SPEF2: variants seen among roughly 807,000 people sequenced by gnomAD.
SPEF2 encodes sperm flagellar and cilia associated 2, also known as sperm flagella and cilia-associated protein 2.
Under a neutral mutation model 224.6 loss-of-function variants are expected in SPEF2, and 187 were observed. The ratio of observed to expected loss-of-function variants is 0.83; its 90% CI spans 0.74 to 0.94. SPEF2 has a LOEUF of 0.94. SPEF2 is among the 40% of genes least tolerant of loss of function. The pLI is 0.00. For synonymous variants in SPEF2, 715 were observed against 707.3 expected (o/e 1.01, Z -0.17); for missense variants, 2,170 against 2,135.6 (o/e 1.02, Z -0.32).
rs1754700128 is a variant in SPEF2 at position 35,692,693 on chromosome 5, C to T, written c.1868C>T (p.Pro623Leu). Reference sequence around the variant, plus strand: ...AAAAATGATGAAGAAGATGCTCTACCAGTTCTGCAAGAGGAGATTAAAGAA... The same window carrying T: ...AAAAATGATGAAGAAGATGCTCTACTAGTTCTGCAAGAGGAGATTAAAGAA... ...IQKNDEEDAL[P>L]VLQEEIKESQ... The change falls in exon 12 of 37, where the codon CCA (proline) becomes CTA (leucine). Residue 623 changes from proline (P) to leucine (L), a missense_variant. Transcript: ENST00000356031. 6.2e-7 allele frequency: 1 copy of T among 1,613,698 alleles called. No homozygotes were observed. The highest frequency in any genetic ancestry group is 8.5e-7 in the Non-Finnish European group (1 of 1,179,892).
chr5:35,778,446 TGAGAAC>T (rs1314210669), intron 29 of SPEF2, among the ~76,000 whole-genome samples: 2 of 152,146 alleles, frequency 1.3e-5, no homozygotes, highest in Admixed American at 6.5e-5. Context: ...TGTCCTAGGA[TGAGAAC>T]TCAGATTCCA....
chr5:35,778,361 A>T (rs905764374), intron 29 of SPEF2, among the ~76,000 whole-genome samples: 5 of 152,172 alleles, frequency 3.3e-5, no homozygotes, highest in African/African-American at 1.2e-4. Context: ...TAACCATAAG[A>T]TAGGGAGTGT....
intron 2 of SPEF2, among the ~76,000 whole-genome samples, chr5:35,634,411 C>G (rs867288982): frequency 6.6e-6 from 1 of 152,052 alleles, no homozygotes; most frequent in African/African-American, 2.4e-5. Flanking sequence ...TTCTTTTTCT[C>G]TTGATGCTTT....
chr5:35,775,520 C>G (rs1338513145), intron 28 of SPEF2, among the ~76,000 whole-genome samples: 3 of 152,098 alleles, frequency 2.0e-5, no homozygotes, highest in Non-Finnish European at 4.4e-5. Context: ...GGAGGCCACA[C>G]CATGGAGGGT....
chr5:35,790,494 A>G, intron 30 of SPEF2: 1 of 425,858 alleles, frequency 2.3e-6, no homozygotes. Context: ...ACTTCTCTTC[A>G]CATCAAACAA....
At chr5:35,802,303 C>G (rs2149859463) in intron 34 of SPEF2, among the ~76,000 whole-genome samples, 1 of 152,320 alleles carries the variant, frequency 6.6e-6, no homozygotes, top group South Asian at 2.1e-4. Context: ...ACTCTCTCAG[C>G]AAGGCCCAGG....
intron 8 of SPEF2, among the ~76,000 whole-genome samples, chr5:35,665,732 C>G (rs1470368718): frequency 1.3e-5 from 2 of 151,982 alleles, no homozygotes; most frequent in African/African-American, 4.8e-5. Context: ...ATGAATCATG[C>G]CATAAAGCTT....
At chr5:35,627,945 A>G (rs1349728790) in intron 1 of SPEF2, among the ~76,000 whole-genome samples, 1 of 152,134 alleles carries the variant, frequency 6.6e-6, no homozygotes, top group Non-Finnish European at 1.5e-5. Flanking sequence ...CATGAAGGAG[A>G]AGTTCGATTA....
intron 18 of SPEF2, 31 bp downstream of exon 18, chr5:35,705,839 A>G: frequency 7.4e-7 from 1 of 1,352,870 alleles, no homozygotes; most frequent in Non-Finnish European, 1.0e-6. Flanking sequence ...TTTTGAGTTT[A>G]GGCAACTAAA....
intron 20 of SPEF2, among the ~76,000 whole-genome samples, chr5:35,716,890 T>C (rs925102010): frequency 6.6e-6 from 1 of 152,206 alleles, no homozygotes; most frequent in African/African-American, 2.4e-5. Context: ...GCTGTCGATG[T>C]CTTTGATTCA....
chr5:35,794,394 C>T (rs958592224), intron 32 of SPEF2, among the ~76,000 whole-genome samples: 13 of 151,828 alleles, frequency 8.6e-5, no homozygotes, highest in African/African-American at 2.7e-4. Flanking sequence ...TGCATGGCCT[C>T]TTTTTTTTTG....
chr5:35,670,073 A>T lies in SPEF2; in HGVS notation c.1370A>T (p.Lys457Met). 1.2e-6 allele frequency: 2 copies of T among 1,604,034 alleles called. No individual in the cohort carries two copies. The highest frequency in any genetic ancestry group is 1.7e-6 in the Non-Finnish European group (2 of 1,176,184). Residue 457 changes from lysine (K) to methionine (M), a missense_variant, in exon 10 of 37, where the codon AAG (lysine) becomes ATG (methionine). Coordinates refer to ENST00000356031, the MANE Select transcript of SPEF2 (RefSeq NM_024867.4). ...TTGTGCGATAGTCTGATTCCGTATA[A>T]GTTGATGCATGATTGGAAGGAACTA... ...RMLTNNLIPY[K>M]LMHDWKELFF...
intron 8 of SPEF2, among the ~76,000 whole-genome samples, chr5:35,666,863 TA>T (rs1750540417): frequency 1.3e-5 from 2 of 152,338 alleles, no homozygotes; most frequent in South Asian, 4.1e-4. Context: ...GCTTTGTTGA[TA>T]AGATAAGCTA....
chr5:35,692,683 G>A lies in SPEF2; in HGVS notation c.1858G>A (p.Asp620Asn). The A allele has an allele frequency of 1.2e-6, 2 of 1,613,796 alleles. No homozygotes were observed. Among genetic ancestry groups the A allele is most frequent in the Non-Finnish European group, 1.7e-6 (2 of 1,179,904 alleles). Residue 620 changes from aspartate (D) to asparagine (N), a missense_variant, in exon 12 of 37, where the codon GAT becomes AAT. Asp to Asn is a conservative substitution (Grantham distance 23). Transcript: ENST00000356031. ...ACCAATTCAGAAAAATGATGAAGAA[G>A]ATGCTCTACCAGTTCTGCAAGAGGA... The part of the protein sequence containing the change: ...VLPIQKNDEE[D>N]ALPVLQEEIK...
rs1027515433 is a variant in SPEF2, at chr5:35,628,500, A to G, written c.99A>G (p.Leu33=). ...CAAAGGCATTTTCCAGTGGCTATCTACTTGGAGAAGTTCTACACAAGTTTG... is the reference window on the plus strand; with the variant it reads ...CAAAGGCATTTTCCAGTGGCTATCTGCTTGGAGAAGTTCTACACAAGTTTG... ...SFAKAFSSGY[L]LGEVLHKFEL... is the part of the protein sequence containing the mutation. Residue 33 remains leucine, a synonymous_variant, in exon 2 of 37, where the codon CTA becomes CTG. Transcript: ENST00000356031. The G allele has an allele frequency of 3.1e-6, 5 of 1,614,066 alleles. No homozygotes were observed. Among genetic ancestry groups the G allele is most frequent in the African/African-American group, 2.7e-5 (2 of 75,042 alleles).
chr5:35,685,951 T>G (rs11960779), intron 10 of SPEF2, among the ~76,000 whole-genome samples: 3,751 of 152,064 alleles, frequency 0.025, 118 homozygotes, highest in African/African-American at 0.068. Flanking sequence ...TGAAATATAA[T>G]GTACCCTGTC....
chr5:35,661,278 ATATATATATATATATATATATT>A (rs1177581627), intron 8 of SPEF2, among the ~76,000 whole-genome samples: 3 of 103,834 alleles, frequency 2.9e-5, no homozygotes, highest in African/African-American at 1.4e-4. Flanking sequence ...ATATATATAT[ATATATATATATATATATATATT>A]ATACACACAT....
chr5:35,737,737 G>C (rs1746864937), intron 21 of SPEF2, among the ~76,000 whole-genome samples: 1 of 152,122 alleles, frequency 6.6e-6, no homozygotes, highest in Non-Finnish European at 1.5e-5. Flanking sequence ...CCAGTAATGG[G>C]ATGGCTGGGT....
intron 16 of SPEF2, among the ~76,000 whole-genome samples, chr5:35,703,171 A>G (rs2149571097): frequency 6.6e-6 from 1 of 151,962 alleles, no homozygotes; most frequent in Middle Eastern, 3.4e-3. Flanking sequence ...AAAGAGCTCA[A>G]CTGATTTTTT....
Sources: gnomAD v4.1 joint callset for allele counts (sites outside exome capture counted in the v4.1 genomes callset) on GRCh38, gnomAD v4.1.1 for gene constraint, MANE v1.5 for transcripts, NCBI Gene and HGNC (gene_info 2026-07-23, HGNC 2026-07-21) for gene names.